Variants in EBF1 observed in about 807,000 individuals in gnomAD.
EBF1 encodes EBF transcription factor 1.
In EBF1, 10 loss-of-function variants were observed where a neutral mutation model predicts 68.4. That is an observed-to-expected ratio of 0.15 (90% CI 0.09 to 0.25). The LOEUF is 0.25. Among genes scored for constraint, EBF1 ranks in the 10% least tolerant of loss-of-function variants. EBF1 has a pLI of 1.00. For missense variants in EBF1, 509 were observed against 794.4 expected (o/e 0.64, Z 4.32); for synonymous variants, 298 against 299.8 (o/e 0.99, Z 0.06).
rs190201927 is a variant in EBF1 at position 158,749,839 on chromosome 5, T to C, written c.1037-18682A>G. On this transcript the variant is annotated intron_variant, in intron 10 of 15. Transcript: ENST00000313708. ...AGTTTCATTAGCCTGCTAGAATATT[T>C]AGAGGTCTGGGCAAGGTAAACTAAC... 3.1e-3 allele frequency among the ~76,000 whole-genome samples: 468 copies of C among 152,232 alleles called. 4 individuals carry two copies. The highest frequency in any genetic ancestry group is 4.4e-3 in the Non-Finnish European group (297 of 67,978).
At chr5:158,963,178 T>C (rs987633039) in intron 6 of EBF1, among the ~76,000 whole-genome samples, 2 of 152,144 alleles carry the variant, frequency 1.3e-5, no homozygotes, top group Non-Finnish European at 2.9e-5. Flanking sequence ...AATACTATCC[T>C]CAAATGTCTG....
chr5:158,895,185 T>C (rs1386170385), intron 6 of EBF1, among the ~76,000 whole-genome samples: 1 of 152,172 alleles, frequency 6.6e-6, no homozygotes, highest in Non-Finnish European at 1.5e-5. Flanking sequence ...GTAGGAAATG[T>C]TGGACACCAG....
intron 7 of EBF1, among the ~76,000 whole-genome samples, chr5:158,838,488 C>A (rs181445532): frequency 6.6e-6 from 1 of 151,670 alleles, no homozygotes; most frequent in East Asian, 1.9e-4. Flanking sequence ...AAGAAACATC[C>A]CCATTCCTGT....
intron 6 of EBF1, among the ~76,000 whole-genome samples, chr5:158,924,067 C>G (rs1348760771): frequency 6.6e-6 from 1 of 152,186 alleles, no homozygotes; most frequent in African/African-American, 2.4e-5. Context: ...GTGAGAATGA[C>G]AAGACAAAGT....
intron 15 of EBF1, among the ~76,000 whole-genome samples, chr5:158,702,109 C>A (rs114375320): frequency 1.3e-4 from 20 of 152,136 alleles, no homozygotes; most frequent in Admixed American, 2.0e-4. Context: ...AGAACCCTTG[C>A]GGTTGAGTAA....
intron 6 of EBF1, among the ~76,000 whole-genome samples, chr5:158,902,439 A>G (rs1036860956): frequency 2.2e-4 from 32 of 147,116 alleles, no homozygotes; most frequent in African/African-American, 8.0e-4. Flanking sequence ...TTTTTCTTCT[A>G]GAAATAGGAT....
intron 10 of EBF1, among the ~76,000 whole-genome samples, chr5:158,742,270 TTTTCC>T (rs1305017590): frequency 6.6e-6 from 1 of 152,214 alleles, no homozygotes; most frequent in African/African-American, 2.4e-5. Context: ...TTGACTTCCA[TTTTCC>T]TAATAACACA....
At chr5:158,831,453 C>T (rs57392066) in intron 7 of EBF1, among the ~76,000 whole-genome samples, 78,983 of 151,714 alleles carry the variant, frequency 0.52, 21,858 homozygotes, top group South Asian at 0.7. Context: ...TGAACAAAAC[C>T]GATAAAGCAT....
At chr5:158,913,864 G>C (rs7737883) in intron 6 of EBF1, among the ~76,000 whole-genome samples, 126,913 of 152,314 alleles carry the variant, frequency 0.83, 53,225 homozygotes, top group East Asian at 0.95. Flanking sequence ...AACAACAAAG[G>C]CTTTAGTTTA....
At chr5:158,799,248 T>A (rs2127753962) in intron 8 of EBF1, among the ~76,000 whole-genome samples, 1 of 152,092 alleles carries the variant, frequency 6.6e-6, no homozygotes, top group Admixed American at 6.6e-5. Context: ...GGCAACACAG[T>A]AAGACTCTGT....
chr5:158,839,844 G>A (rs1188666760), intron 7 of EBF1, among the ~76,000 whole-genome samples, 185 bp downstream of exon 7: 1 of 152,156 alleles, frequency 6.6e-6, no homozygotes, highest in Non-Finnish European at 1.5e-5. Context: ...GTGAGCACAG[G>A]TGGTACAGTT....
At chr5:158,906,980 G>T (rs186322360) in intron 6 of EBF1, among the ~76,000 whole-genome samples, 1 of 152,330 alleles carries the variant, frequency 6.6e-6, no homozygotes, top group African/African-American at 2.4e-5. Flanking sequence ...ACGAAGAGGG[G>T]TTCATTTACT....
chr5:158,765,566 G>C (rs750677697), intron 10 of EBF1, among the ~76,000 whole-genome samples: 3 of 152,114 alleles, frequency 2.0e-5, no homozygotes, highest in South Asian at 2.1e-4. Flanking sequence ...CCTTCCACCC[G>C]TGATGTAAAG....
intron 9 of EBF1, among the ~76,000 whole-genome samples, chr5:158,781,295 T>C (rs915902028): frequency 2.0e-5 from 3 of 152,200 alleles, no homozygotes; most frequent in Admixed American, 6.5e-5. Context: ...CCTGATTATT[T>C]TGGTTTTCTT....
At chr5:158,775,590 T>A (rs977974966) in intron 10 of EBF1, among the ~76,000 whole-genome samples, 1 of 152,050 alleles carries the variant, frequency 6.6e-6, no homozygotes, top group African/African-American at 2.4e-5. Flanking sequence ...GAGAAAACAT[T>A]TGGCCTCTGT....
intron 4 of EBF1, among the ~76,000 whole-genome samples, chr5:159,092,625 G>A (rs966870264): frequency 2.0e-5 from 3 of 152,174 alleles, no homozygotes; most frequent in Admixed American, 1.3e-4. Context: ...AATGTAGAAT[G>A]CAAAAATAGT....
At chr5:158,718,282 C>T (rs975785284) in intron 11 of EBF1, among the ~76,000 whole-genome samples, 3 of 152,150 alleles carry the variant, frequency 2.0e-5, no homozygotes, top group Non-Finnish European at 4.4e-5. Context: ...ATCACTTGGT[C>T]CTACCATCTT....
chr5:158,771,722 T>C (rs1312102755), intron 10 of EBF1, among the ~76,000 whole-genome samples: 1 of 151,978 alleles, frequency 6.6e-6, no homozygotes, highest in Non-Finnish European at 1.5e-5. Flanking sequence ...ACAAAAGAGA[T>C]TCAAGGACAG....
chr5:159,047,872 T>G (rs1381576734), intron 6 of EBF1, among the ~76,000 whole-genome samples: 3 of 152,212 alleles, frequency 2.0e-5, no homozygotes, highest in Non-Finnish European at 4.4e-5. Flanking sequence ...CAAAGTCTGC[T>G]TTCTGATCCT....
Sources: gnomAD v4.1 joint callset for allele counts (sites outside exome capture counted in the v4.1 genomes callset) on GRCh38, gnomAD v4.1.1 for gene constraint, MANE v1.5 for transcripts, NCBI Gene and HGNC (gene_info 2026-07-23, HGNC 2026-07-21) for gene names.